The following SBF2 variants were observed in gnomAD, a reference collection of about 807,000 sequenced individuals.
SBF2 encodes the protein myotubularin-related protein 13.
A neutral mutation model predicts 225.2 loss-of-function variants in SBF2; 112 were observed. The observed-to-expected ratio is 0.50, with a 90% CI of 0.43 to 0.58. The LOEUF (loss-of-function observed/expected upper bound fraction) is 0.58. SBF2 is among the 20% of genes least tolerant of loss of function. SBF2 has a pLI of 0.00. For synonymous variants in SBF2, 763 were observed against 773.3 expected (o/e 0.99, Z 0.22); for missense variants, 1,996 against 2,206.2 (o/e 0.90, Z 1.91).
In SBF2 at chr11:10,299,431, CCT is replaced by C. The variant is rs563053964; in HGVS notation, n.386+5059_386+5060del. Among the ~76,000 whole-genome samples, 840 of 151,980 alleles carry C rather than the reference CCT, an allele frequency of 5.5e-3. 3 individuals carry two copies. The highest frequency in any genetic ancestry group is 0.034 in the Middle Eastern group (10 of 292). On this transcript the variant is annotated intron_variant and non_coding_transcript_variant, in intron 1 of 5. Coordinates refer to the SBF2 transcript ENST00000685217. Reference sequence around the variant, plus strand: ...AATCTTAACATTCATTTGAAGTACCCCTGACATTAGCAGCTACAGTATATATA... The same window carrying C: ...AATCTTAACATTCATTTGAAGTACCCGACATTAGCAGCTACAGTATATATA...
At chr11:10,066,854 T>C (rs1171819907) in intron 2 of SBF2, among the ~76,000 whole-genome samples, 1 of 152,010 alleles carries the variant, frequency 6.6e-6, no homozygotes, top group African/African-American at 2.4e-5. Flanking sequence ...CTACAAAGAG[T>C]GTCTAGAACA....
chr11:9,798,882 G>A (rs1040215188), intron 32 of SBF2, among the ~76,000 whole-genome samples: 10 of 151,036 alleles, frequency 6.6e-5, no homozygotes, highest in African/African-American at 9.7e-5. Context: ...AAACTGGGAG[G>A]CGGAGCTTGC....
chr11:10,240,856 T>G (rs1959199750), intron 1 of SBF2, among the ~76,000 whole-genome samples: 3 of 152,210 alleles, frequency 2.0e-5, no homozygotes, highest in African/African-American at 7.2e-5. Context: ...TCGCAATACG[T>G]GTTTAAATAT....
intron 6 of SBF2, among the ~76,000 whole-genome samples, chr11:10,005,545 C>T (rs1948153616): frequency 6.6e-6 from 1 of 152,126 alleles, no homozygotes; most frequent in South Asian, 2.1e-4. Context: ...AATAAACTTT[C>T]ACTCCTGCTC....
intron 17 of SBF2, among the ~76,000 whole-genome samples, chr11:9,867,583 G>A (rs753784758): frequency 3.9e-5 from 6 of 152,042 alleles, no homozygotes; most frequent in South Asian, 2.1e-4. Context: ...TTATTATAGC[G>A]CTATTCACAA....
intron 2 of SBF2, among the ~76,000 whole-genome samples, chr11:10,129,642 G>A (rs1354460627): frequency 1.3e-5 from 2 of 152,066 alleles, no homozygotes; most frequent in Non-Finnish European, 2.9e-5. Flanking sequence ...CTAATCTTCT[G>A]GGAAGTAAAC....
At chr11:9,813,180 G>A (rs10840308) in intron 29 of SBF2, among the ~76,000 whole-genome samples, 45,243 of 152,026 alleles carry the variant, frequency 0.3, 7,638 homozygotes, top group African/African-American at 0.46. Context: ...CAGACTGTAC[G>A]TGTATTAAAG....
At chr11:9,820,599 A>G (rs935034705) in intron 28 of SBF2, among the ~76,000 whole-genome samples, 3 of 152,184 alleles carry the variant, frequency 2.0e-5, no homozygotes, top group African/African-American at 7.2e-5. Flanking sequence ...TACTGCCTGG[A>G]ATGATTTCCC....
At chr11:9,823,879 T>C (rs1334707226) in intron 28 of SBF2, among the ~76,000 whole-genome samples, 1 of 152,184 alleles carries the variant, frequency 6.6e-6, no homozygotes, top group Non-Finnish European at 1.5e-5. Flanking sequence ...TCACAAGGTT[T>C]TGGAGGCTTT....
chr11:9,830,770 C>CAAAACAA (rs573556678), intron 27 of SBF2, among the ~76,000 whole-genome samples: 1 of 137,530 alleles, frequency 7.3e-6, no homozygotes, highest in Admixed American at 7.2e-5. Flanking sequence ...AAAAACAAAA[C>CAAAACAA]AAAACAAAAA....
At chr11:9,864,543 T>C (rs757108916) in intron 17 of SBF2, among the ~76,000 whole-genome samples, 5 of 151,988 alleles carry the variant, frequency 3.3e-5, no homozygotes, top group Non-Finnish European at 5.9e-5. Context: ...CACACCACCA[T>C]GCCTGGCTAA....
chr11:9,914,806 A>G (rs1862935201), intron 16 of SBF2, among the ~76,000 whole-genome samples: 1 of 151,742 alleles, frequency 6.6e-6, no homozygotes. Flanking sequence ...AACACCAAGA[A>G]TGAACCCTAA....
intron 16 of SBF2, among the ~76,000 whole-genome samples, chr11:9,900,910 A>ATT (rs1412388000): frequency 2.0e-5 from 3 of 149,268 alleles, no homozygotes; most frequent in African/African-American, 7.4e-5. Flanking sequence ...CTAATTTTTA[A>ATT]TTTTTTTTTT....
chr11:10,196,761 C>T (rs1314296273), intron 1 of SBF2, among the ~76,000 whole-genome samples: 1 of 149,730 alleles, frequency 6.7e-6, no homozygotes, highest in Non-Finnish European at 1.5e-5. Flanking sequence ...AAGAAGAAAG[C>T]ACCCATAATC....
intron 1 of SBF2, among the ~76,000 whole-genome samples, chr11:10,250,955 T>C (rs2135485995): frequency 6.6e-6 from 1 of 152,328 alleles, no homozygotes; most frequent in South Asian, 2.1e-4. Flanking sequence ...GTGAACAGCT[T>C]TTCCTAGGAT....
chr11:10,220,013 C>A lies in SBF2; in HGVS notation c.56-26026G>T, dbSNP rs141290115. On this transcript the variant is annotated intron_variant, in intron 1 of 39. Transcript: ENST00000256190. ...AGTATCTTTACAGAGTGCCCCCCTA[C>A]CTCAGTATCAATTTACTGTTTTAAT... Among the ~76,000 whole-genome samples the A allele has an allele frequency of 5.8e-3, 885 of 152,274 alleles. 14 individuals are homozygous for A. Among genetic ancestry groups the A allele is most frequent in the African/African-American group, 0.02 (814 of 41,544 alleles).
At chr11:9,823,823 T>C (rs552851704) in intron 28 of SBF2, among the ~76,000 whole-genome samples, 13 of 152,328 alleles carry the variant, frequency 8.5e-5, no homozygotes, top group African/African-American at 2.6e-4. Context: ...ATGTTGAAGG[T>C]GTCAGGAAAC....
chr11:10,152,279 G>A (rs938580007), intron 2 of SBF2, among the ~76,000 whole-genome samples: 17 of 152,098 alleles, frequency 1.1e-4, no homozygotes, highest in African/African-American at 1.9e-4. Context: ...GGCCGGGAGC[G>A]GTGGCTCACA....
At chr11:10,157,343 T>G (rs1955526086) in intron 2 of SBF2, among the ~76,000 whole-genome samples, 1 of 152,314 alleles carries the variant, frequency 6.6e-6, no homozygotes, top group Admixed American at 6.5e-5. Context: ...AATACCATTC[T>G]AAACATAGGA....
Sources: gnomAD v4.1 joint callset for allele counts (sites outside exome capture counted in the v4.1 genomes callset) on GRCh38, gnomAD v4.1.1 for gene constraint, MANE v1.5 for transcripts, NCBI Gene and HGNC (gene_info 2026-07-23, HGNC 2026-07-21) for gene names.